The following CSMD1 variants were observed in gnomAD, a reference collection of about 807,000 sequenced individuals.
The protein encoded by CSMD1 is CUB and Sushi multiple domains 1.
A neutral mutation model predicts 417.5 loss-of-function variants in CSMD1; 213 were observed. The ratio of observed to expected loss-of-function variants is 0.51; its 90% CI spans 0.46 to 0.57. CSMD1 has a LOEUF of 0.57. Ranked by LOEUF, CSMD1 falls within the 20% of genes least tolerant of loss-of-function variation. CSMD1 has a pLI of 0.00. For synonymous variants in CSMD1, 2,862 were observed against 1,736.8 expected (o/e 1.65, Z -16.11); for missense variants, 6,923 against 4,529.7 (o/e 1.53, Z -15.17).
In CSMD1 at chr8:3,396,285, G is replaced by C. The variant is rs1218795962; in HGVS notation, c.2502C>G (p.Pro834=). 4 of 1,601,102 alleles carry C rather than the reference G, an allele frequency of 2.5e-6. No individual in the cohort carries two copies. Among genetic ancestry groups the C allele is most frequent in the African/African-American group, 1.3e-5 (1 of 74,754 alleles). Residue 834 remains proline (P), a synonymous_variant, in exon 17 of 70, where the codon CCC becomes CCG. Transcript: ENST00000635120. ...AGTTCCCGGTGCTGATGAGGAACTG[G>C]GGTGCCTGGGTGCCGTGGTACTCGC... ...LIGEYHGTQA[P]QFLISTGNFM...
intron 5 of CSMD1, among the ~76,000 whole-genome samples, chr8:3,899,609 A>T (rs536749543): frequency 6.6e-6 from 1 of 152,222 alleles, no homozygotes; most frequent in African/African-American, 2.4e-5. Flanking sequence ...TAGCTCCAAC[A>T]TAAGTATGTA....
intron 12 of CSMD1, among the ~76,000 whole-genome samples, chr8:3,444,145 G>C (rs1815160378): frequency 6.6e-6 from 1 of 152,072 alleles, no homozygotes; most frequent in South Asian, 2.1e-4. Flanking sequence ...ATCAAGCAGT[G>C]ATTAATATTG....
intron 1 of CSMD1, among the ~76,000 whole-genome samples, chr8:4,688,191 C>T (rs183683394): frequency 6.6e-6 from 1 of 152,068 alleles, no homozygotes. Context: ...GTACGAGAGT[C>T]AAGATTCTTT....
chr8:4,051,855 T>TCTTTCTTTCTTTCTTTC (rs1554428976), intron 3 of CSMD1, among the ~76,000 whole-genome samples: 24 of 17,364 alleles, frequency 1.4e-3, no homozygotes, highest in African/African-American at 9.9e-3. Flanking sequence ...TTTTCTTTTC[T>TCTTTCTTTCTTTCTTTC]CTTTCTTTCT....
rs577007611 is a variant in CSMD1, at chr8:3,207,306, C to T, written c.4868-1686G>A. On this transcript the variant is annotated intron_variant, in intron 30 of 69. Transcript: ENST00000635120. ...CAATTACTCGGCGCCCGCCAACACA[C>T]CTGGCTGATTTTTTTTTTTTTCATC... 5.3e-5 allele frequency among the ~76,000 whole-genome samples: 8 copies of T among 150,394 alleles called. No homozygotes were observed. In the East Asian group the frequency reaches 1.2e-3, roughly 22 times the overall value.
At chr8:4,394,245 A>G (rs1377411275) in intron 3 of CSMD1, among the ~76,000 whole-genome samples, 3 of 152,328 alleles carry the variant, frequency 2.0e-5, no homozygotes, top group Admixed American at 6.5e-5. Flanking sequence ...TTATTCTTTC[A>G]TAAGAAAACA....
rs111714037 is a variant in CSMD1 at position 4,751,095 on chromosome 8, GCAT to G, written c.86-113540_86-113538del. Reference sequence around the variant, plus strand: ...ATATACATGTGCATCGTTAAAGAGAGCATGTCTGCCTGGGAGCAGTGGCTCAGG... The same window carrying G: ...ATATACATGTGCATCGTTAAAGAGAGGTCTGCCTGGGAGCAGTGGCTCAGG... On this transcript the variant is annotated intron_variant, in intron 1 of 69. Coordinates refer to ENST00000635120, the MANE Select transcript of CSMD1 (RefSeq NM_033225.6). Among the ~76,000 whole-genome samples the G allele has an allele frequency of 7.3e-3, 1,119 of 152,276 alleles. 20 individuals are homozygous for G. The highest frequency in any genetic ancestry group is 0.026 in the African/African-American group (1,066 of 41,560).
chr8:4,805,258 C>G (rs1028903752), intron 1 of CSMD1, among the ~76,000 whole-genome samples: 2 of 152,214 alleles, frequency 1.3e-5, no homozygotes, highest in Admixed American at 6.5e-5. Flanking sequence ...CTGTCCATCT[C>G]TTTCATGGAT....
chr8:4,899,696 T>C lies in CSMD1; in HGVS notation c.85+94636A>G, dbSNP rs375236069. Among the ~76,000 whole-genome samples, 7 of 152,196 alleles carry C rather than the reference T, an allele frequency of 4.6e-5. No homozygotes were observed. In the East Asian group the frequency reaches 5.8e-4, roughly 13 times the overall value. ...TGAACAACTCTCATTAAAATGTGTA[T>C]AGTTAAAAATTTCTAATCATATCTC... On this transcript the variant is annotated intron_variant, in intron 1 of 69. Coordinates refer to ENST00000635120, the MANE Select transcript of CSMD1 (RefSeq NM_033225.6).
At chr8:4,910,796 T>C (rs1276544801) in intron 1 of CSMD1, among the ~76,000 whole-genome samples, 1 of 152,250 alleles carries the variant, frequency 6.6e-6, no homozygotes, top group African/African-American at 2.4e-5. Context: ...GAAAATATAG[T>C]CATCCAATTG....
intron 1 of CSMD1, among the ~76,000 whole-genome samples, chr8:4,906,714 G>T (rs1051211329): frequency 3.3e-5 from 5 of 152,046 alleles, no homozygotes; most frequent in Non-Finnish European, 7.4e-5. Flanking sequence ...ATGCCACCAT[G>T]TCCAGCTAAT....
At chr8:4,814,608 T>C (rs942037030) in intron 1 of CSMD1, among the ~76,000 whole-genome samples, 3 of 152,204 alleles carry the variant, frequency 2.0e-5, no homozygotes, top group Admixed American at 1.3e-4. Context: ...TAAAGCTATA[T>C]TTTAATTAGT....
chr8:3,368,717 T>G (rs1809761978), intron 19 of CSMD1, among the ~76,000 whole-genome samples: 1 of 152,198 alleles, frequency 6.6e-6, no homozygotes, highest in Admixed American at 6.5e-5. Flanking sequence ...GTGTTTATAA[T>G]CTACATTTCC....
At chr8:4,084,282 T>C (rs77246799) in intron 3 of CSMD1, among the ~76,000 whole-genome samples, 1 of 151,346 alleles carries the variant, frequency 6.6e-6, no homozygotes, top group Non-Finnish European at 1.5e-5. Flanking sequence ...ATTGGAAAAA[T>C]CTTTCAACTT....
intron 12 of CSMD1, among the ~76,000 whole-genome samples, chr8:3,463,721 G>C (rs148730545): frequency 1.0e-3 from 153 of 152,272 alleles, no homozygotes; most frequent in South Asian, 5.0e-3. Context: ...GACTGGGCTG[G>C]GTAACTCATG....
At chr8:3,738,269 A>G (rs1796624769) in intron 6 of CSMD1, among the ~76,000 whole-genome samples, 1 of 152,212 alleles carries the variant, frequency 6.6e-6, no homozygotes, top group African/African-American at 2.4e-5. Context: ...AATAGCGACG[A>G]TCACAGTGGA....
At chr8:4,072,861 G>C (rs1375356444) in intron 3 of CSMD1, among the ~76,000 whole-genome samples, 1 of 152,170 alleles carries the variant, frequency 6.6e-6, no homozygotes, top group Non-Finnish European at 1.5e-5. Context: ...TTAGAAGCTT[G>C]AAAATAAACC....
intron 5 of CSMD1, among the ~76,000 whole-genome samples, chr8:3,917,205 G>A (rs1433639238): frequency 6.6e-6 from 1 of 152,174 alleles, no homozygotes; most frequent in Non-Finnish European, 1.5e-5. Flanking sequence ...TCAGCTAAGT[G>A]TTTCCCATGA....
intron 3 of CSMD1, among the ~76,000 whole-genome samples, chr8:4,204,193 G>C (rs1201351662): frequency 6.6e-5 from 10 of 151,924 alleles, no homozygotes; most frequent in Non-Finnish European, 1.3e-4. Context: ...GTGTGCCTGA[G>C]ATGGAATTTC....
Sources: allele counts gnomAD v4.1 joint callset (sites outside exome capture counted in the v4.1 genomes callset), GRCh38; gene constraint gnomAD v4.1.1; transcripts MANE v1.5; gene names NCBI Gene and HGNC (gene_info 2026-07-23, HGNC 2026-07-21).